CCNF: variants seen among roughly 807,000 people sequenced by gnomAD.
CCNF encodes cyclin-F.
In CCNF, 30 loss-of-function variants were observed where a neutral mutation model predicts 85.4. The observed-to-expected ratio is 0.35, with a 90% CI of 0.26 to 0.48. The LOEUF (loss-of-function observed/expected upper bound fraction) is 0.48. CCNF is among the 20% of genes least tolerant of loss of function. CCNF has a pLI of 0.99. For synonymous variants in CCNF, 439 were observed against 425.1 expected (o/e 1.03, Z -0.40); for missense variants, 919 against 1,010.4 (o/e 0.91, Z 1.23).
At chr16:2,441,929 T>C (rs949852731) in intron 8 of CCNF, among the ~76,000 whole-genome samples, 46 of 116,396 alleles carry the variant, frequency 4.0e-4, no homozygotes, top group Non-Finnish European at 6.7e-4. Flanking sequence ...GCTCATGATA[T>C]TAGCAAATTA....
intron 8 of CCNF, among the ~76,000 whole-genome samples, chr16:2,440,133 A>G (rs1394445812): frequency 6.6e-6 from 1 of 152,222 alleles, no homozygotes; most frequent in African/African-American, 2.4e-5. Flanking sequence ...GCCATTCTTG[A>G]AAGTTGTCCC....
At chr16:2,439,718 G>T in intron 7 of CCNF, 31 bp from the exon 8 acceptor site, 3 of 1,597,424 alleles carry the variant, frequency 1.9e-6, no homozygotes, top group Non-Finnish European at 2.6e-6. Flanking sequence ...AGACACAGTT[G>T]TACAAAGGCT....
intron 9 of CCNF, among the ~76,000 whole-genome samples, chr16:2,444,891 AT>A (rs2065352917): frequency 7.7e-6 from 1 of 129,100 alleles, no homozygotes; most frequent in Non-Finnish European, 1.6e-5. Flanking sequence ...CACAGAACAC[AT>A]TGAACATCTT....
intron 5 of CCNF, 100 bp downstream of exon 5, chr16:2,437,422 C>T: frequency 2.4e-6 from 2 of 823,300 alleles, no homozygotes; most frequent in South Asian, 2.1e-5. Context: ...AAGTCAGGAG[C>T]CTAAGGGAAG....
In CCNF at chr16:2,437,228, T is replaced by C; in HGVS notation, c.446T>C (p.Ile149Thr). Residue 149 changes from isoleucine (I) to threonine (T), a missense_variant, in exon 5 of 17, where the codon ATC (isoleucine) becomes ACC (threonine). Transcript: ENST00000397066. ...ERLNVGAAPF[I>T]WLFIRPPWSV... ...CTGAATGTGGGTGCCGCACCTTTCA[T>C]CTGGCTCTTCATCCGCCCTCCGTGG... 6.2e-7 allele frequency: 1 copy of C among 1,613,022 alleles called. No homozygotes were observed.
intron 2 of CCNF, among the ~76,000 whole-genome samples, chr16:2,432,632 C>A (rs546624372): frequency 2.6e-5 from 4 of 152,300 alleles, no homozygotes; most frequent in Admixed American, 2.0e-4. Flanking sequence ...TTCCGTCCTG[C>A]CTGCCCCCTT....
At position 2,449,445 on chromosome 16, in the gene CCNF, G is replaced by C. The variant is rs1338170367; in HGVS notation, c.1382G>C (p.Arg461Thr). ...GCTGCCGCAGCCCTGCTCCTGGCCA[G>C]ACTGACGCACGGGCAGAGTAAGGAG... The part of the protein sequence containing the change: ...RLAAAALLLA[R>T]LTHGQTQPWT... The change falls in exon 12 of 17, where the codon AGA becomes ACA. Residue 461 changes from arginine (R) to threonine (T), a missense_variant. Transcript: ENST00000397066. 14 of 1,606,302 alleles carry C rather than the reference G, an allele frequency of 8.7e-6. No individual in the cohort carries two copies. The highest frequency in any genetic ancestry group is 1.1e-5 in the Non-Finnish European group (13 of 1,179,660).
chr16:2,449,548 T>C (rs1440651934), intron 12 of CCNF, 86 bp downstream of exon 12: 3 of 1,336,276 alleles, frequency 2.2e-6, no homozygotes, highest in African/African-American at 2.9e-5. Context: ...GAGTCCAGCA[T>C]CCATTTGTCC....
chr16:2,434,711 G>T (rs1184465749), intron 3 of CCNF, among the ~76,000 whole-genome samples: 1 of 152,162 alleles, frequency 6.6e-6, no homozygotes, highest in Non-Finnish European at 1.5e-5. Flanking sequence ...ACTTTAGAAC[G>T]TTCTCCTTAC....
chr16:2,448,806 C>A (rs1266568499), intron 10 of CCNF, 49 bp from the exon 11 acceptor site: 1 of 1,594,084 alleles, frequency 6.3e-7, no homozygotes. Context: ...CGCCCCACCC[C>A]TGCCCCAGGA....
intron 6 of CCNF, 98 bp downstream of exon 6, chr16:2,438,221 CA>C: frequency 1.1e-6 from 1 of 927,028 alleles, no homozygotes; most frequent in Non-Finnish European, 1.8e-6. Flanking sequence ...GTCCAAGGCC[CA>C]AAACAAAAGG....
rs150571268 is a variant in CCNF at position 2,449,637 on chromosome 16, C to T, written c.1399+175C>T. Reference sequence around the variant, plus strand: ...CCAGATTTCTGACCATGAGCCTGCACGCCCTATGTATGGGTTTTTTTCAAA... The same window carrying T: ...CCAGATTTCTGACCATGAGCCTGCATGCCCTATGTATGGGTTTTTTTCAAA... On this transcript the variant is annotated intron_variant, in intron 12 of 16. Coordinates refer to ENST00000397066, the MANE Select transcript of CCNF (RefSeq NM_001761.3). 1.6e-4 allele frequency among the ~76,000 whole-genome samples: 25 copies of T among 152,250 alleles called. 1 individual carries two copies. In the East Asian group the frequency reaches 3.7e-3, roughly 22 times the overall value.
chr16:2,431,359 C>T (rs1201981528), intron 2 of CCNF, 75 bp downstream of exon 2: 6 of 1,492,524 alleles, frequency 4.0e-6, no homozygotes, highest in Non-Finnish European at 5.5e-6. Context: ...TCTTAACTGT[C>T]AGAACAAAAC....
At chr16:2,440,092 C>G (rs919788449) in intron 8 of CCNF, among the ~76,000 whole-genome samples, 4 of 152,228 alleles carry the variant, frequency 2.6e-5, no homozygotes, top group Non-Finnish European at 5.9e-5. Flanking sequence ...TTTTCAAATG[C>G]TTGTGAGCTA....
At chr16:2,435,946 C>G (rs1207027509) in intron 4 of CCNF, 73 bp downstream of exon 4, 3 of 1,081,686 alleles carry the variant, frequency 2.8e-6, no homozygotes, top group Non-Finnish European at 4.2e-6. Flanking sequence ...AGAAGTGGTC[C>G]CCGTGTTAGC....
At chr16:2,437,023 A>T in intron 4 of CCNF, 106 bp from the exon 5 acceptor site, 1 of 936,978 alleles carries the variant, frequency 1.1e-6, no homozygotes, top group Non-Finnish European at 1.6e-6. Flanking sequence ...GCTGCTTTGC[A>T]CTATGGTGGG....
chr16:2,453,219 TGAC>T lies in CCNF; in HGVS notation c.1499_1501del (p.Asp500del). 1 of 1,613,708 alleles carries T rather than the reference TGAC, an allele frequency of 6.2e-7. No individual in the cohort carries two copies. On this transcript the variant is annotated inframe_deletion, in exon 14 of 17. Transcript: ENST00000397066. This position sits in a 1 kb window ranked among gnomAD's most constrained non-coding sequence, Gnocchi z 5.6. ...GTGACTCTGTTTCCAGCTTCCATGA[TGAC>T]GCCCCCAAGGACTACAGGCAAGTCT...
chr16:2,449,039 T>C, intron 11 of CCNF, 61 bp downstream of exon 11: 4 of 738,202 alleles, frequency 5.4e-6, no homozygotes, highest in Non-Finnish European at 7.4e-6. Flanking sequence ...AGGGTGGGGG[T>C]GGGCATTCAG....
intron 15 of CCNF, among the ~76,000 whole-genome samples, chr16:2,454,023 C>T (rs867140927): frequency 6.6e-6 from 1 of 152,184 alleles, no homozygotes; most frequent in Non-Finnish European, 1.5e-5. Flanking sequence ...CTACCTCACC[C>T]GCCTGGAGAA....
Sources: gnomAD v4.1 joint callset for allele counts (sites outside exome capture counted in the v4.1 genomes callset) on GRCh38, gnomAD v4.1.1 for gene constraint, Gnocchi (gnomAD v3.1) non-coding constraint, MANE v1.5 for transcripts, NCBI Gene and HGNC (gene_info 2026-07-23, HGNC 2026-07-21) for gene names.